The following CHODL variants were observed in gnomAD, a reference collection of about 807,000 sequenced individuals.
CHODL encodes transmembrane protein MT75.
Under a neutral mutation model 34.5 loss-of-function variants are expected in CHODL, and 29 were observed. That is an observed-to-expected ratio of 0.84 (90% confidence interval 0.63 to 1.15). CHODL has a LOEUF of 1.15. Among genes scored for constraint, CHODL ranks in the 50% most tolerant of loss-of-function variants. The pLI is 0.00. For synonymous variants in CHODL, 125 were observed against 116.1 expected, an observed-to-expected ratio of 1.08 and a Z score of -0.49; for missense variants, 332 against 332.5, an observed-to-expected ratio of 1.00 and a Z score of 0.01.
At chr21:18,112,453 C>A (rs1450744885) in intron 2 of CHODL, among the ~76,000 whole-genome samples, 1 of 151,464 alleles carries the variant, frequency 6.6e-6, no homozygotes, top group Non-Finnish European at 1.5e-5. Context: ...CCCAGAATAG[C>A]CAAAGCTATC....
At chr21:17,932,113 CAAT>C (rs553328244) in intron 1 of CHODL, among the ~76,000 whole-genome samples, 35 of 152,000 alleles carry the variant, frequency 2.3e-4, no homozygotes, top group African/African-American at 6.5e-4. Flanking sequence ...ACAACAACAA[CAAT>C]GACAAACAAC....
intron 2 of CHODL, among the ~76,000 whole-genome samples, chr21:18,133,806 C>A (rs189718594): frequency 3.3e-5 from 5 of 152,276 alleles, no homozygotes; most frequent in African/African-American, 1.2e-4. Flanking sequence ...ACATGAAGCT[C>A]ACACTCATAC....
intron 2 of CHODL, among the ~76,000 whole-genome samples, chr21:18,139,815 A>G (rs1027704074): frequency 6.6e-6 from 1 of 152,168 alleles, no homozygotes; most frequent in East Asian, 1.9e-4. Context: ...TTTCTTAACT[A>G]ATTTTTAGAA....
At chr21:18,194,728 T>A (rs1246275797) in intron 2 of CHODL, among the ~76,000 whole-genome samples, 1 of 152,134 alleles carries the variant, frequency 6.6e-6, no homozygotes, top group African/African-American at 2.4e-5. Flanking sequence ...AATTGACATA[T>A]CTATCACCTT....
intron 1 of CHODL, chr21:18,245,992 C>T: frequency 6.9e-7 from 1 of 1,447,988 alleles, no homozygotes; most frequent in Non-Finnish European, 9.4e-7. Flanking sequence ...TTAAGTCGGT[C>T]GAGTCAGTGC....
intron 1 of CHODL, among the ~76,000 whole-genome samples, chr21:17,952,995 G>T (rs1032354533): frequency 2.6e-5 from 4 of 152,014 alleles, no homozygotes; most frequent in African/African-American, 9.7e-5. Flanking sequence ...GAACAGCTTG[G>T]AAAAAATTGC....
intron 1 of CHODL, among the ~76,000 whole-genome samples, chr21:18,249,044 TA>T (rs1229779676): frequency 3.3e-5 from 4 of 120,268 alleles, no homozygotes; most frequent in African/African-American, 1.0e-4. Context: ...TATATAATAT[TA>T]TATATATTAT....
At chr21:18,054,294 A>C (rs2064552785) in intron 2 of CHODL, among the ~76,000 whole-genome samples, 1 of 152,002 alleles carries the variant, frequency 6.6e-6, no homozygotes, top group South Asian at 2.1e-4. Context: ...ATCAAATTCA[A>C]GACCACATGC....
At chr21:18,200,844 G>A (rs970584135) in intron 2 of CHODL, among the ~76,000 whole-genome samples, 19 of 152,176 alleles carry the variant, frequency 1.2e-4, no homozygotes, top group South Asian at 2.1e-4. Flanking sequence ...GAGAGAGAAG[G>A]TCGTGTGAAG....
chr21:18,234,593 G>A (rs529431685), intron 2 of CHODL, among the ~76,000 whole-genome samples: 1 of 152,122 alleles, frequency 6.6e-6, no homozygotes, highest in African/African-American at 2.4e-5. Flanking sequence ...AACTAAAAGG[G>A]GAGGCAGGGA....
intron 5 of CHODL, among the ~76,000 whole-genome samples, chr21:18,263,476 G>T (rs73206963): frequency 6.6e-6 from 1 of 151,982 alleles, no homozygotes; most frequent in Admixed American, 6.6e-5. Flanking sequence ...AGATTTCTGG[G>T]GGAATATTAT....
intron 2 of CHODL, among the ~76,000 whole-genome samples, chr21:18,045,979 T>C (rs2064438022): frequency 1.3e-5 from 2 of 151,996 alleles, no homozygotes; most frequent in Admixed American, 1.3e-4. Flanking sequence ...TAAATTTCTG[T>C]TCTTTATAAA....
At chr21:18,090,296 T>A (rs1458653976) in intron 2 of CHODL, among the ~76,000 whole-genome samples, 1 of 152,196 alleles carries the variant, frequency 6.6e-6, no homozygotes, top group Non-Finnish European at 1.5e-5. Context: ...GGATAATATG[T>A]CTTTTGTCTA....
intron 2 of CHODL, among the ~76,000 whole-genome samples, chr21:18,168,957 G>T (rs1361109737): frequency 6.6e-6 from 1 of 152,006 alleles, no homozygotes; most frequent in South Asian, 2.1e-4. Flanking sequence ...TAAGATTGGG[G>T]TTCAACTTCT....
chr21:18,059,962 G>A (rs966844413), intron 2 of CHODL, among the ~76,000 whole-genome samples: 4 of 151,948 alleles, frequency 2.6e-5, no homozygotes, highest in African/African-American at 9.7e-5. Flanking sequence ...CCCACATTCC[G>A]TTCATTATTC....
intron 1 of CHODL, among the ~76,000 whole-genome samples, chr21:17,951,919 T>A (rs1402741650): frequency 6.6e-6 from 1 of 152,084 alleles, no homozygotes; most frequent in East Asian, 1.9e-4. Context: ...TTTAAAGAGA[T>A]AATGATTATA....
intron 1 of CHODL, among the ~76,000 whole-genome samples, chr21:17,927,416 T>C (rs151043013): frequency 1.0e-3 from 154 of 152,284 alleles, no homozygotes; most frequent in Non-Finnish European, 1.8e-3. Context: ...GTGCTGTTCT[T>C]ATATTTAGAA....
At chr21:18,108,882 CTT>C (rs1195453905) in intron 2 of CHODL, among the ~76,000 whole-genome samples, 1 of 146,640 alleles carries the variant, frequency 6.8e-6, no homozygotes, top group Non-Finnish European at 1.5e-5. Flanking sequence ...TTTCTTCTAA[CTT>C]TTTCTTTCTC....
In CHODL at chr21:18,056,723, CTGT is replaced by C. The variant is rs1295018319; in HGVS notation, c.-45+28759_-45+28761del. Among the ~76,000 whole-genome samples the C allele has an allele frequency of 7.2e-5, 11 of 152,042 alleles. No individual in the cohort carries two copies. The East Asian group carries it at 7.7e-4, about 11-fold the overall frequency. The stretch of plus-strand genomic sequence containing the variant: ...TTTCTTCAACTTTTATCTCACATAT[CTGT>C]TGTTGTGTTTTTCCTTTCTGTTATT... On this transcript the variant is annotated intron_variant, in intron 2 of 6. Transcript: ENST00000400127.
Sources: gnomAD v4.1 joint callset for allele counts (sites outside exome capture counted in the v4.1 genomes callset) on GRCh38, gnomAD v4.1.1 for gene constraint, MANE v1.5 for transcripts, NCBI Gene and HGNC (gene_info 2026-07-23, HGNC 2026-07-21) for gene names.